SEC31A: variants seen among roughly 807,000 people sequenced by gnomAD.
SEC31A encodes the protein protein transport protein Sec31A.
Under a neutral mutation model 151.0 loss-of-function variants are expected in SEC31A, and 70 were observed. That is an observed-to-expected ratio of 0.46 (90% CI 0.38 to 0.57). The LOEUF (loss-of-function observed/expected upper bound fraction) is 0.57. Ranked by LOEUF, SEC31A falls within the 20% of genes least tolerant of loss-of-function variation. The probability of loss-of-function intolerance (pLI) is 0.00; values close to 1 mark genes in which losing one functional copy is unlikely to be tolerated. For synonymous variants in SEC31A, 475 were observed against 505.9 expected (o/e 0.94, Z 0.82); for missense variants, 1,330 against 1,471.2 (o/e 0.90, Z 1.57).
intron 16 of SEC31A, among the ~76,000 whole-genome samples, chr4:82,855,295 G>A (rs1732390393): frequency 6.6e-6 from 1 of 152,206 alleles, no homozygotes; most frequent in Non-Finnish European, 1.5e-5. Context: ...GTGTGACCTG[G>A]TCAGATGGAT....
Position 82,842,186 on chromosome 4 carries a change from T to C in SEC31A, c.2922A>G (p.Thr974=), listed in dbSNP as rs751915904. The C allele has an allele frequency of 2.0e-5, 32 of 1,595,624 alleles. 1 individual carries two copies. In the South Asian group the frequency reaches 3.6e-4, roughly 18 times the overall value. ...SSAYALPPGT[T]GTLPAASELP... ...GCTCACTGGCAGCAGGCAGTGTACC[T>C]GTTGTTCCAGGAGGCAGTGCATAAG... Residue 974 remains threonine, a synonymous_variant, in exon 22 of 27, where the codon ACA becomes ACG. Transcript: ENST00000395310.
chr4:82,893,466 A>G (rs558084172), upstream of SEC31A: 2 of 152,348 alleles, frequency 1.3e-5, no homozygotes, highest in African/African-American at 4.8e-5. Context: ...CACAAGATAC[A>G]TGAATGTTTA....
intron 1 of SEC31A, 98 bp downstream of exon 1, chr4:82,890,990 G>C (rs1719618107): frequency 6.6e-7 from 1 of 1,512,720 alleles, no homozygotes; most frequent in Non-Finnish European, 8.8e-7. Context: ...GCTGGTGCGG[G>C]GCAGCGGAGA....
At chr4:82,864,964 G>A (rs964161130) in intron 10 of SEC31A, among the ~76,000 whole-genome samples, 5 of 152,000 alleles carry the variant, frequency 3.3e-5, no homozygotes, top group African/African-American at 9.7e-5. Context: ...TTAGTAGACA[G>A]GGTTTCACCA....
intron 1 of SEC31A, among the ~76,000 whole-genome samples, chr4:82,887,767 A>G (rs1052328606): frequency 6.6e-5 from 10 of 152,358 alleles, no homozygotes; most frequent in Middle Eastern, 3.4e-3. Context: ...CTTCAAAAAT[A>G]CATCTATTAG....
rs143960227 is a variant in SEC31A, at chr4:82,870,341, T to C, written c.866A>G (p.Asn289Ser). ...CGKDAKILCS[N>S]PNTGEVLYEL... is the part of the protein sequence containing the mutation. ...TGCCCATACCTCTCCTGTGTTTGGA[T>C]TGGAGCAGAGAATCTTAGCATCTTT... Residue 289 changes from asparagine (N) to serine (S), a missense_variant, in exon 8 of 27, where the codon AAT (asparagine) becomes AGT (serine). By Grantham distance (46) the Asn-to-Ser change is conservative (BLOSUM62 1). Coordinates refer to ENST00000395310, the MANE Select transcript of SEC31A (RefSeq NM_001077207.4). The C allele has an allele frequency of 1.9e-4, 303 of 1,613,640 alleles. No homozygotes were observed. Among genetic ancestry groups the C allele is most frequent in the South Asian group, 1.4e-3 (123 of 91,066 alleles).
At position 82,846,406 on chromosome 4, in the gene SEC31A, C is replaced by A. The variant is rs937559862; in HGVS notation, c.2503-1897G>T. Among the ~76,000 whole-genome samples the A allele has an allele frequency of 1.0e-3, 63 of 60,570 alleles. 2 individuals are homozygous for A. The highest frequency in any genetic ancestry group is 3.1e-3 in the African/African-American group (56 of 18,082). The allele number at this position is 60,570 out of a possible 152,430, so 39.7% of individuals were successfully genotyped here. On this transcript the variant is annotated intron_variant, in intron 20 of 26. Coordinates refer to ENST00000395310, the MANE Select transcript of SEC31A (RefSeq NM_001077207.4). ...AATAATAATAATAATAATAATAATACAATTGACTCTTGAATAACATGGGTT... is the reference window on the plus strand; with the variant it reads ...AATAATAATAATAATAATAATAATAAAATTGACTCTTGAATAACATGGGTT...
intron 22 of SEC31A, among the ~76,000 whole-genome samples, chr4:82,838,533 T>C (rs553716748): frequency 1.3e-5 from 2 of 152,326 alleles, no homozygotes; most frequent in East Asian, 3.9e-4. Flanking sequence ...CAAGGCCACA[T>C]CCAGATTAAT....
chr4:82,845,120 T>G, intron 20 of SEC31A: 1 of 933,494 alleles, frequency 1.1e-6, no homozygotes, highest in Non-Finnish European at 1.6e-6. Flanking sequence ...TGAAAGAGCT[T>G]GAGGAAGGTA....
chr4:82,866,923 G>A lies in SEC31A; in HGVS notation c.1082C>T (p.Thr361Ile), dbSNP rs762452791. 3.1e-6 allele frequency: 5 copies of A among 1,614,028 alleles called. No individual in the cohort carries two copies. Among genetic ancestry groups the A allele is most frequent in the Admixed American group, 3.3e-5 (2 of 59,990 alleles). The change falls in exon 10 of 27, where the codon ACA becomes ATA. Residue 361 changes from threonine (T) to isoleucine (I), a missense_variant. By Grantham distance (89) the Thr-to-Ile change is moderately conservative (BLOSUM62 -1). Coordinates refer to ENST00000395310, the MANE Select transcript of SEC31A (RefSeq NM_001077207.4). ...SSFGNLDPFG[T>I]GQPLPPLQIP... The stretch of plus-strand genomic sequence containing the variant: ...TTGTAACGGAGGAAGGGGCTGTCCT[G>A]TGCCAAAGGGATCAAGATTCCCAAA...
intron 22 of SEC31A, among the ~76,000 whole-genome samples, chr4:82,829,870 A>G (rs1725526259): frequency 6.6e-6 from 1 of 152,262 alleles, no homozygotes; most frequent in Non-Finnish European, 1.5e-5. Context: ...AAGGAATACA[A>G]CATGCTGGAA....
chr4:82,879,766 G>A (rs921747551), intron 3 of SEC31A, among the ~76,000 whole-genome samples: 2 of 152,154 alleles, frequency 1.3e-5, no homozygotes, highest in Admixed American at 1.3e-4. Flanking sequence ...TTTTATTACT[G>A]AAATGAAGAC....
In SEC31A at chr4:82,842,208, T is replaced by G. The variant is rs1729080802; in HGVS notation, c.2900A>C (p.Tyr967Ser). Reference sequence around the variant, plus strand: ...ACCTGTTGTTCCAGGAGGCAGTGCATAAGCTGAAGATGATGGTGGAGCTCC... The same window carrying G: ...ACCTGTTGTTCCAGGAGGCAGTGCAGAAGCTGAAGATGATGGTGGAGCTCC... ...GPGAPPSSSAYALPPGTTGTL... is the reference protein window; with the variant it reads ...GPGAPPSSSASALPPGTTGTL... Residue 967 changes from tyrosine to serine, a missense_variant, in exon 22 of 27, where the codon TAT becomes TCT. Tyr to Ser is a moderately radical substitution (Grantham distance 144, BLOSUM62 -2). Coordinates refer to ENST00000395310, the MANE Select transcript of SEC31A (RefSeq NM_001077207.4). The G allele has an allele frequency of 6.2e-7, 1 of 1,610,366 alleles. No homozygotes were observed. The highest frequency in any genetic ancestry group is 8.5e-7 in the Non-Finnish European group (1 of 1,177,786).
chr4:82,883,995 T>TG (rs1740022834), intron 1 of SEC31A, among the ~76,000 whole-genome samples: 1 of 147,764 alleles, frequency 6.8e-6, no homozygotes. Flanking sequence ...ATTCTTTTTT[T>TG]TTTTTTTTTG....
chr4:82,884,742 G>A (rs1393210225), intron 1 of SEC31A, among the ~76,000 whole-genome samples: 1 of 152,126 alleles, frequency 6.6e-6, no homozygotes, highest in Non-Finnish European at 1.5e-5. Flanking sequence ...CCTATATAGT[G>A]AATTTTTGTG....
chr4:82,879,312 G>A (rs1738717127), intron 3 of SEC31A, among the ~76,000 whole-genome samples: 1 of 146,208 alleles, frequency 6.8e-6, no homozygotes, highest in Non-Finnish European at 1.5e-5. Flanking sequence ...CACTTCCCTC[G>A]AAAGGTAAAA....
At chr4:82,836,712 G>T (rs1274807280) in intron 22 of SEC31A, among the ~76,000 whole-genome samples, 1 of 152,036 alleles carries the variant, frequency 6.6e-6, no homozygotes, top group East Asian at 1.9e-4. Flanking sequence ...GAAGCTGTGG[G>T]GAACAGAAGC....
At position 82,824,536 on chromosome 4, in the gene SEC31A, T is replaced by A. The variant is rs989460975; in HGVS notation, c.3411+19A>T. 6 of 1,606,180 alleles carry A rather than the reference T, an allele frequency of 3.7e-6. No homozygotes were observed. Among genetic ancestry groups the A allele is most frequent in the African/African-American group, 1.3e-5 (1 of 74,388 alleles). On this transcript the variant is annotated intron_variant, in intron 25 of 26. Transcript: ENST00000395310. Reference sequence around the variant, plus strand: ...TCTTCTAATTAAGCAAAATATGATTTAAAAAAATAAATACATACAGGGTCT... The same window carrying A: ...TCTTCTAATTAAGCAAAATATGATTAAAAAAAATAAATACATACAGGGTCT...
At chr4:82,828,915 G>A (rs1477499563) in intron 23 of SEC31A, 85 bp downstream of exon 23, 68 of 1,020,386 alleles carry the variant, frequency 6.7e-5, no homozygotes, top group Non-Finnish European at 1.1e-5. Context: ...CCTTTAAAAG[G>A]ATCAGTGAAG....
Sources: gnomAD v4.1 joint callset for allele counts (sites outside exome capture counted in the v4.1 genomes callset) on GRCh38, gnomAD v4.1.1 for gene constraint, MANE v1.5 for transcripts, NCBI Gene and HGNC (gene_info 2026-07-23, HGNC 2026-07-21) for gene names.